SCAMP1: variants seen among roughly 807,000 people sequenced by gnomAD.
SCAMP1 encodes the protein secretory carrier membrane protein 1.
A neutral mutation model predicts 41.8 loss-of-function variants in SCAMP1; 15 were observed. The observed-to-expected ratio is 0.36, with a 90% CI of 0.24 to 0.55. The LOEUF (loss-of-function observed/expected upper bound fraction) is 0.55, where lower values mean the gene tolerates loss of function less well. Ranked by LOEUF, SCAMP1 falls within the 20% of genes least tolerant of loss-of-function variation. The pLI is 0.86. For missense variants in SCAMP1, 341 were observed against 412.6 expected, an observed-to-expected ratio of 0.83 and a Z score of 1.50; for synonymous variants, 135 against 136.8, an observed-to-expected ratio of 0.99 and a Z score of 0.09.
At chr5:78,446,777 A>G (rs1753062234) in intron 6 of SCAMP1, among the ~76,000 whole-genome samples, 1 of 152,202 alleles carries the variant, frequency 6.6e-6, no homozygotes, top group Non-Finnish European at 1.5e-5. Context: ...TTGGTGTAAT[A>G]TAGTACTGCT....
At chr5:78,387,888 G>A (rs1485680048) in intron 1 of SCAMP1, among the ~76,000 whole-genome samples, 1 of 152,220 alleles carries the variant, frequency 6.6e-6, no homozygotes, top group Non-Finnish European at 1.5e-5. Flanking sequence ...ATATTTTTAA[G>A]TACGCTGGTT....
rs1482049380 is a variant in SCAMP1, at chr5:78,455,367, G to A, written c.735-3878G>A. 1.4e-3 allele frequency among the ~76,000 whole-genome samples: 177 copies of A among 125,268 alleles called. 2 individuals carry two copies. Among genetic ancestry groups the A allele is most frequent in the African/African-American group, 5.4e-3 (168 of 30,906 alleles). The allele number at this position is 125,268 out of a possible 152,430, so 82.2% of individuals were successfully genotyped here. A position where few individuals can be genotyped will look rare whatever the true frequency, so the allele number is the denominator to read the frequency against. On this transcript the variant is annotated intron_variant, in intron 7 of 8. Coordinates refer to ENST00000621999, the MANE Select transcript of SCAMP1 (RefSeq NM_004866.6). ...CACACTGCTTTGAATGCATCCCAGA[G>A]ATTCTGGTATGCTGTGTCTTTGTTC...
intron 7 of SCAMP1, among the ~76,000 whole-genome samples, chr5:78,458,529 G>A (rs1753493389): frequency 6.6e-6 from 1 of 152,088 alleles, no homozygotes; most frequent in Non-Finnish European, 1.5e-5. Flanking sequence ...TCCTTTGTTG[G>A]ATATATGGTT....
chr5:78,475,970 C>T lies in SCAMP1; in HGVS notation c.*302C>T, dbSNP rs1354884956. 1 of 171,400 alleles carries T rather than the reference C, an allele frequency of 5.8e-6. No homozygotes were observed. The highest frequency in any genetic ancestry group is 1.2e-5 in the Non-Finnish European group (1 of 80,456). 10.6% of individuals were successfully genotyped at this position (171,400 alleles called of 1,614,324 possible). A position where few individuals can be genotyped will look rare whatever the true frequency, so the allele number is the denominator to read the frequency against. ...GACCCACTGAAAATTAATAATGGTA[C>T]TTATGATTAAAAACGCATTTAATAC... On this transcript the variant is annotated 3_prime_UTR_variant, in exon 9 of 9. Coordinates refer to ENST00000621999, the MANE Select transcript of SCAMP1 (RefSeq NM_004866.6).
At chr5:78,442,087 C>CTGCTG (rs1752937580) in intron 6 of SCAMP1, among the ~76,000 whole-genome samples, 1 of 152,118 alleles carries the variant, frequency 6.6e-6, no homozygotes, top group African/African-American at 2.4e-5. Flanking sequence ...TGTGATCATG[C>CTGCTG]TGCTGCACTC....
intron 2 of SCAMP1, among the ~76,000 whole-genome samples, chr5:78,392,699 TATG>T (rs1751550774): frequency 1.3e-5 from 2 of 152,252 alleles, no homozygotes; most frequent in South Asian, 2.1e-4. Flanking sequence ...GGAAAATTCT[TATG>T]ATAATTGGGT....
chr5:78,394,849 G>T (rs1471659634), intron 2 of SCAMP1, among the ~76,000 whole-genome samples: 1 of 152,144 alleles, frequency 6.6e-6, no homozygotes, highest in Non-Finnish European at 1.5e-5. Context: ...GGCGCTAACA[G>T]CTTCTTTTCC....
chr5:78,390,250 T>A (rs1012122375), intron 2 of SCAMP1, among the ~76,000 whole-genome samples: 4 of 152,224 alleles, frequency 2.6e-5, no homozygotes, highest in Non-Finnish European at 4.4e-5. Flanking sequence ...GTAAAAACAG[T>A]CCAAAAGTAA....
chr5:78,421,291 T>C, intron 5 of SCAMP1, among the ~76,000 whole-genome samples: 1 of 152,210 alleles, frequency 6.6e-6, no homozygotes, highest in East Asian at 1.9e-4. Flanking sequence ...ATTTTACAAA[T>C]GGACAGCTCT....
chr5:78,415,911 A>AT (rs1752198625), intron 3 of SCAMP1, among the ~76,000 whole-genome samples: 6 of 152,224 alleles, frequency 3.9e-5, no homozygotes, highest in Non-Finnish European at 4.4e-5. Flanking sequence ...CATTAAGGTA[A>AT]AAATGATGGA....
At chr5:78,381,906 T>G (rs1361900457) in intron 1 of SCAMP1, among the ~76,000 whole-genome samples, 1 of 152,178 alleles carries the variant, frequency 6.6e-6, no homozygotes, top group African/African-American at 2.4e-5. Context: ...TTTTATAGTT[T>G]GTGTAGAGCC....
chr5:78,413,024 A>G (rs888356725), intron 2 of SCAMP1, among the ~76,000 whole-genome samples: 5 of 152,254 alleles, frequency 3.3e-5, no homozygotes, highest in Admixed American at 1.3e-4. Flanking sequence ...TAGAAGCTCA[A>G]GAAATATTCA....
At chr5:78,387,278 T>TA (rs139235556) in intron 1 of SCAMP1, among the ~76,000 whole-genome samples, 6,796 of 152,076 alleles carry the variant, frequency 0.045, 548 homozygotes, top group African/African-American at 0.15. Flanking sequence ...TTCATTTCTC[T>TA]AAGTGTGTCC....
At chr5:78,366,981 A>G (rs990134376) in intron 1 of SCAMP1, among the ~76,000 whole-genome samples, 1 of 151,590 alleles carries the variant, frequency 6.6e-6, no homozygotes, top group Admixed American at 6.6e-5. Context: ...TTGAGTTTGG[A>G]GATTGGATAG....
At chr5:78,400,532 TC>T (rs1751771789) in intron 2 of SCAMP1, among the ~76,000 whole-genome samples, 1 of 152,226 alleles carries the variant, frequency 6.6e-6, no homozygotes, top group Admixed American at 6.5e-5. Context: ...TTGATTTCTT[TC>T]ATCAGTTTTG....
chr5:78,368,704 T>C (rs2112043745), intron 1 of SCAMP1, among the ~76,000 whole-genome samples: 1 of 152,252 alleles, frequency 6.6e-6, no homozygotes, highest in African/African-American at 2.4e-5. Context: ...GGGACTGGAA[T>C]CAAGTTCTAG....
At chr5:78,474,090 G>T (rs1016421453) in intron 8 of SCAMP1, among the ~76,000 whole-genome samples, 1 of 151,768 alleles carries the variant, frequency 6.6e-6, no homozygotes, top group Non-Finnish European at 1.5e-5. Context: ...TTTTGGAGAC[G>T]TATATTGCCC....
intron 8 of SCAMP1, among the ~76,000 whole-genome samples, chr5:78,468,657 G>T (rs576604402): frequency 2.4e-4 from 36 of 152,130 alleles, no homozygotes; most frequent in African/African-American, 7.9e-4. Context: ...CATTTTGAAA[G>T]AATTTTAGAA....
intron 8 of SCAMP1, among the ~76,000 whole-genome samples, chr5:78,471,401 A>T (rs1041272969): frequency 1.3e-5 from 2 of 152,132 alleles, no homozygotes; most frequent in African/African-American, 2.4e-5. Context: ...AGAAATTTCA[A>T]ACTGAAAATA....
Sources: allele counts gnomAD v4.1 joint callset (sites outside exome capture counted in the v4.1 genomes callset), GRCh38; gene constraint gnomAD v4.1.1; transcripts MANE v1.5; gene names NCBI Gene and HGNC (gene_info 2026-07-23, HGNC 2026-07-21).